EFCAB6: variants seen among roughly 807,000 people sequenced by gnomAD.
EFCAB6 encodes EF-hand calcium binding domain 6, also known as EF-hand calcium-binding domain-containing protein 6.
EFCAB6 carries 156 observed loss-of-function variants against 169.8 expected under a neutral mutation model. That is an observed-to-expected ratio of 0.92 (90% CI 0.81 to 1.05). The LOEUF (loss-of-function observed/expected upper bound fraction) is 1.05. Among genes scored for constraint, EFCAB6 ranks in the 50% least tolerant of loss-of-function variants. EFCAB6 has a pLI of 0.00. For missense variants in EFCAB6, 1,800 were observed against 1,829.1 expected (o/e 0.98, Z 0.29); for synonymous variants, 698 against 676.4 (o/e 1.03, Z -0.50).
At chr22:43,536,482 G>C (rs182471567) in intron 29 of EFCAB6, 2 of 152,246 alleles carry the variant, frequency 1.3e-5, no homozygotes, top group East Asian at 3.9e-4. Flanking sequence ...TGTGTTGGGG[G>C]AGCTAAAAAG....
At chr22:43,545,597 G>A (rs1430725647) in intron 27 of EFCAB6, among the ~76,000 whole-genome samples, 1 of 152,166 alleles carries the variant, frequency 6.6e-6, no homozygotes, top group Non-Finnish European at 1.5e-5. Context: ...TCAGGGGTTG[G>A]GAGACTGAGG....
At position 43,644,025 on chromosome 22, in the gene EFCAB6, T is replaced by C. The variant is rs1220489465; in HGVS notation, c.1984-8809A>G. On this transcript the variant is annotated intron_variant, in intron 17 of 31. Coordinates refer to ENST00000262726, the MANE Select transcript of EFCAB6 (RefSeq NM_022785.4). ...TTTTAGTAGAGACGGGGTTTCACCA[T>C]GTTGGCCCGGCTGGTCTCCAACTCC... Among the ~76,000 whole-genome samples, 4 of 152,122 alleles carry C rather than the reference T, an allele frequency of 2.6e-5. No individual in the cohort carries two copies. The South Asian group carries it at 8.3e-4, about 32-fold the overall frequency.
At chr22:43,585,640 T>C (rs2051015197) in intron 24 of EFCAB6, among the ~76,000 whole-genome samples, 1 of 152,038 alleles carries the variant, frequency 6.6e-6, no homozygotes, top group African/African-American at 2.4e-5. Flanking sequence ...GACAGCAAAT[T>C]ACACATCCAG....
chr22:43,656,995 T>C (rs549885431), intron 17 of EFCAB6, among the ~76,000 whole-genome samples: 1 of 152,288 alleles, frequency 6.6e-6, no homozygotes, highest in South Asian at 2.1e-4. Context: ...ATGAGACATT[T>C]CTCAAAATTG....
At chr22:43,633,336 T>C (rs1316192275) in intron 18 of EFCAB6, among the ~76,000 whole-genome samples, 1 of 152,114 alleles carries the variant, frequency 6.6e-6, no homozygotes, top group Non-Finnish European at 1.5e-5. Flanking sequence ...GATCACAAGG[T>C]CAAGAGATCG....
At chr22:43,750,226 A>G (rs1431767307) in intron 6 of EFCAB6, among the ~76,000 whole-genome samples, 1 of 152,216 alleles carries the variant, frequency 6.6e-6, no homozygotes, top group Non-Finnish European at 1.5e-5. Context: ...TACAGCAACC[A>G]AAAATAGGTC....
chr22:43,697,899 T>C (rs1438541055), intron 10 of EFCAB6, among the ~76,000 whole-genome samples: 1 of 152,150 alleles, frequency 6.6e-6, no homozygotes, highest in Non-Finnish European at 1.5e-5. Flanking sequence ...AGATGGATAG[T>C]GTCAGAAGAG....
intron 26 of EFCAB6, among the ~76,000 whole-genome samples, chr22:43,571,575 C>A (rs1466292708): frequency 6.6e-6 from 1 of 152,114 alleles, no homozygotes; most frequent in Non-Finnish European, 1.5e-5. Flanking sequence ...GGGTTCTTCC[C>A]CGGCTGCCTT....
At chr22:43,740,857 C>T (rs1203984842) in intron 6 of EFCAB6, among the ~76,000 whole-genome samples, 2 of 152,202 alleles carry the variant, frequency 1.3e-5, no homozygotes, top group Non-Finnish European at 1.5e-5. Context: ...GCCAGATTTA[C>T]CTCCTTTGGT....
chr22:43,646,672 T>C (rs28569169), intron 17 of EFCAB6, among the ~76,000 whole-genome samples: 7,043 of 152,294 alleles, frequency 0.046, 568 homozygotes, highest in African/African-American at 0.16. Context: ...GGATTAAGCA[T>C]CTACATTTAA....
At chr22:43,559,941 GA>G (rs763115832) in intron 26 of EFCAB6, among the ~76,000 whole-genome samples, 22 of 152,154 alleles carry the variant, frequency 1.4e-4, no homozygotes, top group Non-Finnish European at 2.6e-4. Context: ...ATGGCAGGTT[GA>G]TAAGTGTAGG....
chr22:43,540,525 C>T (rs751229148), intron 27 of EFCAB6, 168 bp from the exon 28 acceptor site: 50 of 1,530,282 alleles, frequency 3.3e-5, no homozygotes, highest in East Asian at 7.4e-5. Flanking sequence ...CTTCGCTCGG[C>T]GGAGGCCTCA....
chr22:43,613,706 G>A lies in EFCAB6; in HGVS notation c.2562+2120C>T, dbSNP rs143442043. On this transcript the variant is annotated intron_variant, in intron 21 of 31. Transcript: ENST00000262726. ...GACGAAATAATCTGTATAACAAACC[G>A]CCACGGCATGAATTTACTTATATAA... Among the ~76,000 whole-genome samples the A allele has an allele frequency of 4.4e-3, 663 of 152,168 alleles. 6 individuals carry two copies. The highest frequency in any genetic ancestry group is 0.014 in the Middle Eastern group (4 of 294).
chr22:43,618,325 G>C (rs2053884017), intron 20 of EFCAB6, among the ~76,000 whole-genome samples: 1 of 152,120 alleles, frequency 6.6e-6, no homozygotes, highest in Non-Finnish European at 1.5e-5. Flanking sequence ...GACTTCGTCA[G>C]GAAGACCAGG....
At chr22:43,610,270 C>G (rs1374330597) in intron 21 of EFCAB6, among the ~76,000 whole-genome samples, 1 of 152,174 alleles carries the variant, frequency 6.6e-6, no homozygotes, top group Admixed American at 6.5e-5. Flanking sequence ...ACGTCACTTA[C>G]AAAACAGCAG....
intron 20 of EFCAB6, among the ~76,000 whole-genome samples, chr22:43,621,725 T>C (rs368524240): frequency 1.3e-5 from 2 of 150,038 alleles, no homozygotes; most frequent in Admixed American, 6.6e-5. Flanking sequence ...ATCAGAAAAA[T>C]AGAGAAAAAT....
At position 43,665,194 on chromosome 22, in the gene EFCAB6, C is replaced by A. The variant is rs915639359; in HGVS notation, c.1983+1910G>T. Among the ~76,000 whole-genome samples the A allele has an allele frequency of 2.0e-5, 3 of 152,120 alleles. 1 individual carries two copies. Among genetic ancestry groups the A allele is most frequent in the Admixed American group, 1.3e-4 (2 of 15,272 alleles). Reference sequence around the variant, plus strand: ...GAGAAGGCAGGTAGACAGGTAGGTGCATGAGACTGACATTCAGGAGTTGCT... The same window carrying A: ...GAGAAGGCAGGTAGACAGGTAGGTGAATGAGACTGACATTCAGGAGTTGCT... On this transcript the variant is annotated intron_variant, in intron 17 of 31. Transcript: ENST00000262726.
intron 24 of EFCAB6, among the ~76,000 whole-genome samples, chr22:43,583,411 A>C (rs2050861112): frequency 6.6e-6 from 1 of 151,924 alleles, no homozygotes; most frequent in African/African-American, 2.4e-5. Flanking sequence ...CTTTTACTTA[A>C]GTATGGATTT....
intron 20 of EFCAB6, among the ~76,000 whole-genome samples, chr22:43,622,581 A>C (rs2054186203): frequency 6.6e-6 from 1 of 152,206 alleles, no homozygotes; most frequent in South Asian, 2.1e-4. Flanking sequence ...CAAACAAGCA[A>C]ACAAAAACAA....
Sources: gnomAD v4.1 joint callset for allele counts (sites outside exome capture counted in the v4.1 genomes callset) on GRCh38, gnomAD v4.1.1 for gene constraint, MANE v1.5 for transcripts, NCBI Gene and HGNC (gene_info 2026-07-23, HGNC 2026-07-21) for gene names.